CENPH: variants seen among roughly 807,000 people sequenced by gnomAD.
CENPH encodes CENP-H.
A neutral mutation model predicts 42.9 loss-of-function variants in CENPH; 40 were observed. The ratio of observed to expected loss-of-function variants is 0.93; its 90% CI spans 0.72 to 1.21. CENPH has a LOEUF of 1.21. Ranked by LOEUF, CENPH falls within the 50% of genes most tolerant of loss-of-function variation. The pLI is 0.00. For missense variants in CENPH, 302 were observed against 292.9 expected (o/e 1.03, Z -0.23); for synonymous variants, 88 against 96.5 (o/e 0.91, Z 0.52).
At chr5:69,193,986 A>G (rs1747922889) in intron 2 of CENPH, among the ~76,000 whole-genome samples, 1 of 151,980 alleles carries the variant, frequency 6.6e-6, no homozygotes, top group African/African-American at 2.4e-5. Flanking sequence ...TTAAAATGAA[A>G]TAAAATTTAA....
chr5:69,209,505 C>T (rs1030885302), intron 8 of CENPH, among the ~76,000 whole-genome samples: 2 of 151,608 alleles, frequency 1.3e-5, no homozygotes, highest in African/African-American at 4.8e-5. Context: ...CACCATTGCA[C>T]TCCAGCCTGG....
chr5:69,190,311 G>A (rs1450982208), intron 1 of CENPH, among the ~76,000 whole-genome samples: 1 of 152,210 alleles, frequency 6.6e-6, no homozygotes, highest in African/African-American at 2.4e-5. Flanking sequence ...GCCTATTTTT[G>A]TGTGACCACT....
intron 4 of CENPH, among the ~76,000 whole-genome samples, 194 bp from the exon 5 acceptor site, chr5:69,196,859 C>T (rs141014006): frequency 3.0e-4 from 46 of 152,244 alleles, no homozygotes; most frequent in African/African-American, 1.1e-3. Context: ...CACGCAACAG[C>T]CCTATCCATC....
chr5:69,196,006 A>G (rs1747958233), intron 4 of CENPH, among the ~76,000 whole-genome samples: 1 of 152,120 alleles, frequency 6.6e-6, no homozygotes, highest in African/African-American at 2.4e-5. Context: ...CGACATGATC[A>G]CTGCTCACTG....
In CENPH at chr5:69,189,620, T is replaced by C; in HGVS notation, c.-15T>C. On this transcript the variant is annotated 5_prime_UTR_variant, in exon 1 of 9. Coordinates refer to ENST00000283006, the MANE Select transcript of CENPH (RefSeq NM_022909.4). ...CGTTTGCCTGTTGAGTGGTAGCCTT[T>C]CCCCTCAACCAGCAATGGAGGAGCA... 3.8e-6 allele frequency: 6 copies of C among 1,591,214 alleles called. No individual in the cohort carries two copies. The highest frequency in any genetic ancestry group is 5.1e-6 in the Non-Finnish European group (6 of 1,172,206).
At chr5:69,199,543 T>A (rs1748024826) in intron 5 of CENPH, among the ~76,000 whole-genome samples, 1 of 151,792 alleles carries the variant, frequency 6.6e-6, no homozygotes, top group Non-Finnish European at 1.5e-5. Context: ...TAGGGAGGGG[T>A]AAGGAAGAGG....
At chr5:69,191,530 T>C (rs1255061097) in intron 1 of CENPH, among the ~76,000 whole-genome samples, 1 of 152,118 alleles carries the variant, frequency 6.6e-6, no homozygotes, top group Non-Finnish European at 1.5e-5. Context: ...AAAAAAATCT[T>C]AAACACCAAT....
At chr5:69,205,700 A>ATT (rs1748143956) in intron 7 of CENPH, among the ~76,000 whole-genome samples, 1 of 106,034 alleles carries the variant, frequency 9.4e-6, no homozygotes, top group Non-Finnish European at 1.8e-5. Context: ...TTCTGTAGAT[A>ATT]TCTTTTTTTT....
At chr5:69,204,386 G>C (rs965715085) in intron 7 of CENPH, among the ~76,000 whole-genome samples, 25 of 148,230 alleles carry the variant, frequency 1.7e-4, no homozygotes, top group Non-Finnish European at 3.3e-4. Context: ...GAACTCCTGG[G>C]CTCAAGCCAT....
chr5:69,203,741 G>C (rs1748095171), intron 7 of CENPH, among the ~76,000 whole-genome samples: 1 of 151,932 alleles, frequency 6.6e-6, no homozygotes, highest in South Asian at 2.1e-4. Context: ...GACCTCAAGT[G>C]ATCCGTCTGC....
intron 1 of CENPH, among the ~76,000 whole-genome samples, chr5:69,190,664 T>G (rs1747852743): frequency 6.6e-6 from 1 of 152,100 alleles, no homozygotes; most frequent in African/African-American, 2.4e-5. Context: ...CGGATCACCT[T>G]AAGTCAGGAG....
At chr5:69,206,099 A>G (rs1580230260) in intron 7 of CENPH, among the ~76,000 whole-genome samples, 1 of 151,982 alleles carries the variant, frequency 6.6e-6, no homozygotes, top group African/African-American at 2.4e-5. Context: ...TCCTGGGCTC[A>G]AGTGATCTGC....
In CENPH at chr5:69,202,898, CTT is replaced by C. The variant is rs761381645; in HGVS notation, c.436-16_436-15del. 2.0e-6 allele frequency: 3 copies of C among 1,483,118 alleles called. No individual in the cohort carries two copies. In the South Asian group the frequency reaches 3.5e-5, roughly 17 times the overall value. The allele number at this position is 1,483,118 out of a possible 1,614,324, so 91.9% of individuals were successfully genotyped here. A position where few individuals can be genotyped will look rare whatever the true frequency, so the allele number is the denominator to read the frequency against. ...CCTTACATACAGTAATGTGCTTTAACTTTTTTATTTTTAATAACAGGAATCTT... is the reference window on the plus strand; with the variant it reads ...CCTTACATACAGTAATGTGCTTTAACTTTTATTTTTAATAACAGGAATCTT... On this transcript the variant is annotated intron_variant, in intron 6 of 8. Coordinates refer to ENST00000283006, the MANE Select transcript of CENPH (RefSeq NM_022909.4).
Position 69,205,874 on chromosome 5 carries a change from A to G in CENPH, c.488-2322A>G, listed in dbSNP as rs568790976. On this transcript the variant is annotated intron_variant, in intron 7 of 8. Coordinates refer to ENST00000283006, the MANE Select transcript of CENPH (RefSeq NM_022909.4). ...CAGGCACCCGCCACCACGCCCGGCT[A>G]ATTTTTTTGTATTTTTAGTAGAGAC... Among the ~76,000 whole-genome samples the G allele has an allele frequency of 2.6e-4, 40 of 151,344 alleles. No individual in the cohort carries two copies. In the South Asian group the frequency reaches 7.7e-3, roughly 29 times the overall value.
In CENPH at chr5:69,208,820, C is replaced by T. The variant is rs114532687; in HGVS notation, c.651+461C>T. On this transcript the variant is annotated intron_variant, in intron 8 of 8. Transcript: ENST00000283006. Reference sequence around the variant, plus strand: ...GATTTTTCTTTTTTCTTTTTTCAGACGCAGTCTTGCTCTGTAGCCCAGGCT... The same window carrying T: ...GATTTTTCTTTTTTCTTTTTTCAGATGCAGTCTTGCTCTGTAGCCCAGGCT... 6.9e-3 allele frequency among the ~76,000 whole-genome samples: 1,051 copies of T among 151,232 alleles called. 16 individuals carry two copies. Among genetic ancestry groups the T allele is most frequent in the African/African-American group, 0.024 (1,001 of 41,254 alleles).
At position 69,195,479 on chromosome 5, in the gene CENPH, T is replaced by G. The variant is rs140104300; in HGVS notation, c.240-238T>G. ...TGTTAATTTGGGATGGAGATTTATA[T>G]GTACACAAGTGATCACATTAGAACT... On this transcript the variant is annotated intron_variant, in intron 3 of 8. Coordinates refer to ENST00000283006, the MANE Select transcript of CENPH (RefSeq NM_022909.4). Among the ~76,000 whole-genome samples the G allele has an allele frequency of 9.8e-5, 15 of 152,328 alleles. 1 individual carries two copies. Among genetic ancestry groups the G allele is most frequent in the Admixed American group, 5.9e-4 (9 of 15,292 alleles).
At position 69,202,952 on chromosome 5, in the gene CENPH, A is replaced by G; in HGVS notation, c.469A>G (p.Ile157Val). The G allele has an allele frequency of 1.9e-6, 3 of 1,592,294 alleles. No homozygotes were observed. The highest frequency in any genetic ancestry group is 2.6e-6 in the Non-Finnish European group (3 of 1,166,826). The part of the protein sequence containing the change: ...SWDLEEKLLD[I>V]RKKRLQLKQA... Reference sequence around the variant, plus strand: ...GGATTTAGAGGAAAAACTGCTTGATATTAGAAAGAAGAGATTGCGTATGTA... The same window carrying G: ...GGATTTAGAGGAAAAACTGCTTGATGTTAGAAAGAAGAGATTGCGTATGTA... Residue 157 changes from isoleucine to valine, a missense_variant, in exon 7 of 9, where the codon ATT becomes GTT. By Grantham distance (29) the Ile-to-Val change is conservative. Transcript: ENST00000283006.
At chr5:69,194,791 G>C in intron 3 of CENPH, 96 bp downstream of exon 3, 1 of 754,852 alleles carries the variant, frequency 1.3e-6, no homozygotes, top group Non-Finnish European at 2.2e-6. Flanking sequence ...CTATCATGCA[G>C]GCTAGAGTGC....
intron 5 of CENPH, among the ~76,000 whole-genome samples, chr5:69,200,650 T>C (rs1332919401): frequency 6.6e-6 from 1 of 151,108 alleles, no homozygotes; most frequent in Non-Finnish European, 1.5e-5. Flanking sequence ...ACCTGGCTGA[T>C]TATCAGAATA....
Sources: gnomAD v4.1 joint callset for allele counts (sites outside exome capture counted in the v4.1 genomes callset) on GRCh38, gnomAD v4.1.1 for gene constraint, MANE v1.5 for transcripts, NCBI Gene and HGNC (gene_info 2026-07-23, HGNC 2026-07-21) for gene names.